Variants in AFF2 observed in about 807,000 individuals in gnomAD.
The protein encoded by AFF2 is ALF transcription elongation factor 2, also known as AF4/FMR2 family member 2.
A neutral mutation model predicts 76.9 loss-of-function variants in AFF2; 14 were observed. That is an observed-to-expected ratio of 0.18 (90% confidence interval 0.12 to 0.28). The LOEUF is 0.28. Ranked by LOEUF, AFF2 falls within the 10% of genes least tolerant of loss-of-function variation. The probability of loss-of-function intolerance (pLI) is 1.00; values close to 1 mark genes in which losing one functional copy is unlikely to be tolerated. For missense variants in AFF2, 868 were observed against 1,001.1 expected, an observed-to-expected ratio of 0.87 and a Z score of 1.79; for synonymous variants, 398 against 366.7, an observed-to-expected ratio of 1.09 and a Z score of -0.98.
intron 3 of AFF2, among the ~76,000 whole-genome samples, chrX:148,799,466 G>A (rs2070028916): frequency 1.8e-5 from 2 of 111,947 alleles, no homozygotes; most frequent in Non-Finnish European, 3.8e-5. Context: ...TGCAAACCGA[G>A]TGGACAACCT....
intron 3 of AFF2, among the ~76,000 whole-genome samples, chrX:148,805,691 A>G (rs1569555809): frequency 8.9e-6 from 1 of 112,637 alleles, no homozygotes; most frequent in East Asian, 2.8e-4. Context: ...ATTTCATAAG[A>G]TATGTATTTA....
At chrX:148,798,531 G>C (rs1424857586) in intron 3 of AFF2, among the ~76,000 whole-genome samples, 1 of 112,188 alleles carries the variant, frequency 8.9e-6, no homozygotes, top group African/African-American at 3.2e-5. Flanking sequence ...GCCAAATTTA[G>C]AAGTACTGCA....
chrX:148,945,721 A>T (rs1446199197), intron 9 of AFF2, among the ~76,000 whole-genome samples: 2 of 111,876 alleles, frequency 1.8e-5, no homozygotes, highest in Non-Finnish European at 3.8e-5. Flanking sequence ...CCTCTTAAAA[A>T]CCTATGTGAT....
At chrX:148,713,063 G>T (rs2054987767) in intron 3 of AFF2, among the ~76,000 whole-genome samples, 2 of 111,054 alleles carry the variant, frequency 1.8e-5, no homozygotes, top group African/African-American at 6.6e-5. Context: ...AGCAAGCCAT[G>T]GACTATGTGT....
Position 148,956,422 on chromosome X carries a change from C to T in AFF2, c.2377C>T (p.Arg793Ter). The change falls in exon 11 of 21, where the codon CGA (arginine) becomes TGA (stop). Residue 793 changes from arginine to a stop codon, truncating the protein, a stop_gained. Coordinates refer to ENST00000370460, the MANE Select transcript of AFF2 (RefSeq NM_002025.4). LOFTEE classifies it high-confidence loss of function. Reference protein sequence around the residue: ...VMQTEILSPLRDHENLKNLWV... With the variant: ...VMQTEILSPL Reference sequence around the variant, plus strand: ...GCAAACTGAAATCCTGTCCCCTCTGCGAGATCATGAGAACCTGAAAAACCT... The same window carrying T: ...GCAAACTGAAATCCTGTCCCCTCTGTGAGATCATGAGAACCTGAAAAACCT... 8.3e-7 allele frequency: 1 copy of T among 1,211,247 alleles called. No homozygotes were observed. The highest frequency in any genetic ancestry group is 3.0e-5 in the East Asian group (1 of 33,839).
intron 9 of AFF2, among the ~76,000 whole-genome samples, chrX:148,921,372 C>A (rs1488742860): frequency 1.8e-5 from 2 of 112,169 alleles, no homozygotes; most frequent in Non-Finnish European, 3.8e-5. Context: ...ATTTCTCTCA[C>A]CCCCCAAGGG....
chrX:148,502,928 T>A (rs899263468), intron 1 of AFF2, among the ~76,000 whole-genome samples: 18 of 112,752 alleles, frequency 1.6e-4, no homozygotes, highest in Non-Finnish European at 5.6e-5. Flanking sequence ...TTAAAAAAAA[T>A]GATAGGCTCC....
intron 3 of AFF2, among the ~76,000 whole-genome samples, chrX:148,737,073 G>T (rs782581095): frequency 9.0e-6 from 1 of 111,391 alleles, no homozygotes; most frequent in South Asian, 3.8e-4. Context: ...TGTTCTTTTT[G>T]CTTAGTCTTG....
intron 7 of AFF2, among the ~76,000 whole-genome samples, chrX:148,871,097 GC>G (rs1480337520): frequency 1.8e-5 from 2 of 111,400 alleles, no homozygotes; most frequent in Non-Finnish European, 3.8e-5. Flanking sequence ...CAGTGATGAT[GC>G]CCTCTGCATG....
At chrX:148,786,263 A>G (rs1373285893) in intron 3 of AFF2, among the ~76,000 whole-genome samples, 6 of 111,380 alleles carry the variant, frequency 5.4e-5, no homozygotes, top group Admixed American at 3.8e-4. Flanking sequence ...AGTATTGTTC[A>G]TGCCTTCCTC....
At chrX:148,987,603 GTTAAC>G in intron 20 of AFF2, 46 bp downstream of exon 20, 1 of 1,085,847 alleles carries the variant, frequency 9.2e-7, no homozygotes, top group Non-Finnish European at 1.3e-6. Flanking sequence ...CCATGATGGA[GTTAAC>G]TTCACTTTGA....
At chrX:148,785,060 T>C (rs1336671644) in intron 3 of AFF2, among the ~76,000 whole-genome samples, 1 of 111,284 alleles carries the variant, frequency 9.0e-6, no homozygotes, top group Admixed American at 9.5e-5. Context: ...CTCCCCCCCT[T>C]CCCCCAAGGC....
At position 148,726,645 on chromosome X, in the gene AFF2, G is replaced by GTTAAAA. The variant is rs782573382; in HGVS notation, c.1041+63877_1041+63878insTTAAAA. On this transcript the variant is annotated intron_variant, in intron 3 of 20. Transcript: ENST00000370460. ...TATTGATCTCAGTCGTGTCTTTTAG[G>GTTAAAA]GGTCATGGATTTAGCCAGTTAAAAC... Among the ~76,000 whole-genome samples the GTTAAAA allele has an allele frequency of 1.5e-3, 171 of 111,698 alleles. 1 individual carries two copies. The highest frequency in any genetic ancestry group is 5.5e-3 in the African/African-American group (168 of 30,789).
intron 9 of AFF2, among the ~76,000 whole-genome samples, chrX:148,950,696 C>A (rs2071955400): frequency 8.9e-6 from 1 of 112,231 alleles, no homozygotes; most frequent in Admixed American, 9.4e-5. Context: ...TATAAAAATT[C>A]TTAGGATACA....
chrX:148,509,221 G>A (rs1224885552), intron 1 of AFF2, among the ~76,000 whole-genome samples: 2 of 112,095 alleles, frequency 1.8e-5, no homozygotes, highest in Non-Finnish European at 3.8e-5. Context: ...GAGAGAGAGA[G>A]AATGCAAGCT....
intron 9 of AFF2, among the ~76,000 whole-genome samples, chrX:148,913,584 AC>A (rs2071494660): frequency 8.9e-6 from 1 of 112,258 alleles, no homozygotes; most frequent in Non-Finnish European, 1.9e-5. Flanking sequence ...TAAAATAGAA[AC>A]AAAAAGCACC....
At chrX:148,557,397 A>T (rs1603241564) in intron 1 of AFF2, among the ~76,000 whole-genome samples, 1 of 112,265 alleles carries the variant, frequency 8.9e-6, no homozygotes, top group Non-Finnish European at 1.9e-5. Context: ...GAGACTGGGT[A>T]ATCTATAAAG....
chrX:148,853,318 A>T (rs782634291), intron 7 of AFF2, among the ~76,000 whole-genome samples: 1 of 111,378 alleles, frequency 9.0e-6, no homozygotes, highest in Non-Finnish European at 1.9e-5. Flanking sequence ...GGAGGGAGCC[A>T]TTATTGTCCT....
intron 1 of AFF2, among the ~76,000 whole-genome samples, chrX:148,559,291 T>G (rs1321691302): frequency 1.8e-5 from 2 of 111,651 alleles, no homozygotes; most frequent in Non-Finnish European, 3.8e-5. Flanking sequence ...TTTTTTAAAC[T>G]TTAAGTTCTG....
Sources: gnomAD v4.1 joint callset for allele counts (sites outside exome capture counted in the v4.1 genomes callset) on GRCh38, gnomAD v4.1.1 for gene constraint, MANE v1.5 for transcripts, NCBI Gene and HGNC (gene_info 2026-07-23, HGNC 2026-07-21) for gene names.